The following SLC5A4 variants were observed in gnomAD, a reference collection of about 807,000 sequenced individuals.
SLC5A4 encodes probable glucose sensor protein SLC5A4.
Under a neutral mutation model 70.3 loss-of-function variants are expected in SLC5A4, and 55 were observed. The ratio of observed to expected loss-of-function variants is 0.78; its 90% CI spans 0.63 to 0.98. The LOEUF (loss-of-function observed/expected upper bound fraction) is 0.98. SLC5A4 is among the 50% of genes least tolerant of loss of function. SLC5A4 has a pLI of 0.00. For missense variants in SLC5A4, 735 were observed against 839.2 expected (o/e 0.88, Z 1.53); for synonymous variants, 268 against 305.7 (o/e 0.88, Z 1.29).
chr22:32,262,347 C>T, the SLC5A4 span, among the ~76,000 whole-genome samples: 1 of 152,150 alleles, frequency 6.6e-6, no homozygotes, highest in Admixed American at 6.5e-5. Context: ...CTCTGCCAGT[C>T]ACAGCCACAG....
the SLC5A4 span, among the ~76,000 whole-genome samples, chr22:32,262,577 C>T: frequency 2.0e-5 from 3 of 152,154 alleles, no homozygotes; most frequent in Non-Finnish European, 4.4e-5. Flanking sequence ...ATTATTGATT[C>T]AGTCTTCTTA....
chr22:32,261,071 A>AAAC, the SLC5A4 span, among the ~76,000 whole-genome samples: 346 of 152,014 alleles, frequency 2.3e-3, 1 homozygote, highest in African/African-American at 8.1e-3. Context: ...AAAAAAAAAA[A>AAAC]AAGTCACGAG....
chr22:32,276,413 A>G, the SLC5A4 span, among the ~76,000 whole-genome samples: 1 of 152,228 alleles, frequency 6.6e-6, no homozygotes, highest in African/African-American at 2.4e-5. Flanking sequence ...GCTTTGTATT[A>G]TAGTTTGCTA....
the SLC5A4 span, among the ~76,000 whole-genome samples, chr22:32,333,199 C>CCT: frequency 1.4e-5 from 2 of 147,598 alleles, no homozygotes; most frequent in African/African-American, 2.5e-5. Context: ...CACTGGCACC[C>CCT]CCCCCCCAGA....
the SLC5A4 span, among the ~76,000 whole-genome samples, chr22:32,328,624 T>C: frequency 0.63 from 88,858 of 141,018 alleles, 26,083 homozygotes; most frequent in Admixed American, 0.66. Flanking sequence ...AGAATGACCA[T>C]AGTCTCAGCC....
chr22:32,222,630 C>G (rs1028133222), intron 13 of SLC5A4, among the ~76,000 whole-genome samples: 3 of 152,134 alleles, frequency 2.0e-5, no homozygotes, highest in African/African-American at 7.2e-5. Flanking sequence ...AGTGTTCTTT[C>G]ATCTAACTCA....
chr22:32,247,530 A>G lies in SLC5A4; in HGVS notation c.373-15T>C, dbSNP rs1392460334. On this transcript the variant is annotated splice_polypyrimidine_tract_variant and intron_variant, in intron 4 of 14. Coordinates refer to ENST00000266086, the MANE Select transcript of SLC5A4 (RefSeq NM_014227.3). Reference sequence around the variant, plus strand: ...ATGGTCATCACCTGCAGAGACAGACATTGACAGGGACTTAACTTACCCTTA... The same window carrying G: ...ATGGTCATCACCTGCAGAGACAGACGTTGACAGGGACTTAACTTACCCTTA... 6.4e-7 allele frequency: 1 copy of G among 1,563,836 alleles called. No homozygotes were observed. Among genetic ancestry groups the G allele is most frequent in the Admixed American group, 1.7e-5 (1 of 59,968 alleles).
At chr22:32,279,910 AG>A in the SLC5A4 span, among the ~76,000 whole-genome samples, 1 of 144,244 alleles carries the variant, frequency 6.9e-6, no homozygotes, top group African/African-American at 2.5e-5. Flanking sequence ...GAAGGTGGGG[AG>A]GTGACCTGGG....
At chr22:32,324,053 A>C in the SLC5A4 span, among the ~76,000 whole-genome samples, 3 of 151,994 alleles carry the variant, frequency 2.0e-5, no homozygotes, top group Non-Finnish European at 2.9e-5. Context: ...CTGGGGATAC[A>C]CCTCCGTTTG....
chr22:32,249,741 C>T (rs1220234601), intron 3 of SLC5A4, among the ~76,000 whole-genome samples: 5 of 152,192 alleles, frequency 3.3e-5, no homozygotes, highest in Admixed American at 6.5e-5. Context: ...AAGAGTAAGA[C>T]AAAAGAACAG....
chr22:32,340,299 T>A, the SLC5A4 span, among the ~76,000 whole-genome samples: 4 of 152,198 alleles, frequency 2.6e-5, no homozygotes, highest in African/African-American at 9.6e-5. Context: ...AGTTCATTGA[T>A]CGGACACTGT....
chr22:32,220,076 A>C (rs1454194685), intron 14 of SLC5A4, among the ~76,000 whole-genome samples: 1 of 151,958 alleles, frequency 6.6e-6, no homozygotes, highest in East Asian at 1.9e-4. Context: ...TTATGGTATT[A>C]TTGGCAAAAT....
At chr22:32,351,419 A>G in the SLC5A4 span, among the ~76,000 whole-genome samples, 1 of 151,522 alleles carries the variant, frequency 6.6e-6, no homozygotes, top group African/African-American at 2.4e-5. Context: ...AATACAACAC[A>G]CTGGGCCGGC....
At chr22:32,239,224 G>A in intron 5 of SLC5A4, 134 bp from the exon 6 acceptor site, 1 of 689,576 alleles carries the variant, frequency 1.5e-6, no homozygotes, top group Non-Finnish European at 2.5e-6. Flanking sequence ...CCACTGAGAT[G>A]GCCCCAGAGT....
the SLC5A4 span, among the ~76,000 whole-genome samples, chr22:32,277,772 T>C: frequency 6.6e-6 from 1 of 152,154 alleles, no homozygotes; most frequent in Non-Finnish European, 1.5e-5. Context: ...ATGGTCTCGA[T>C]CTCCTGACCT....
chr22:32,344,599 A>G, the SLC5A4 span, among the ~76,000 whole-genome samples: 1 of 152,324 alleles, frequency 6.6e-6, no homozygotes, highest in Non-Finnish European at 1.5e-5. Context: ...TGAGATTTTC[A>G]GTATTCTTTT....
the SLC5A4 span, among the ~76,000 whole-genome samples, chr22:32,342,533 T>C: frequency 6.6e-6 from 1 of 152,076 alleles, no homozygotes; most frequent in African/African-American, 2.4e-5. Context: ...TCTTAATAAA[T>C]TAAAAATCAA....
the SLC5A4 span, among the ~76,000 whole-genome samples, chr22:32,280,627 G>A: frequency 6.6e-6 from 1 of 152,110 alleles, no homozygotes; most frequent in African/African-American, 2.4e-5. Context: ...CTGAGGGCAG[G>A]GACTCTGAAG....
At chr22:32,271,348 T>C in the SLC5A4 span, 1 of 735,742 alleles carries the variant, frequency 1.4e-6, no homozygotes, top group Non-Finnish European at 2.4e-6. Flanking sequence ...GTCAAGGAGG[T>C]GCTGCTGGTT....
Sources: allele counts gnomAD v4.1 joint callset (sites outside exome capture counted in the v4.1 genomes callset), GRCh38; gene constraint gnomAD v4.1.1; transcripts MANE v1.5; gene names NCBI Gene and HGNC (gene_info 2026-07-23, HGNC 2026-07-21).